MRAP2: variants seen among roughly 807,000 people sequenced by gnomAD.
MRAP2 encodes melanocortin 2 receptor accessory protein 2, also known as melanocortin-2 receptor accessory protein 2.
In MRAP2, 20 loss-of-function variants were observed where a neutral mutation model predicts 17.4. The observed-to-expected ratio is 1.15, with a 90% CI of 0.81 to 1.67. MRAP2 has a LOEUF of 1.67. Among genes scored for constraint, MRAP2 ranks in the 40% most tolerant of loss-of-function variants. The pLI, the probability that MRAP2 is intolerant of heterozygous loss-of-function variation, is 0.00. For missense variants in MRAP2, 238 were observed against 240.0 expected (o/e 0.99, Z 0.05); for synonymous variants, 96 against 88.4 (o/e 1.09, Z -0.48).
chr6:84,126,340 A>T, the MRAP2 span: 2 of 1,458,416 alleles, frequency 1.4e-6, no homozygotes, highest in Non-Finnish European at 1.8e-6. Context: ...ACTTAAAAGT[A>T]AAGACCTATA....
At chr6:84,083,846 CAAAT>C (rs1350342050) in intron 3 of MRAP2, among the ~76,000 whole-genome samples, 1 of 152,030 alleles carries the variant, frequency 6.6e-6, no homozygotes, top group Non-Finnish European at 1.5e-5. Flanking sequence ...ACAGACAACA[CAAAT>C]ACATAGAAGC....
At chr6:84,131,161 A>G in the MRAP2 span, among the ~76,000 whole-genome samples, 1,419 of 152,186 alleles carry the variant, frequency 9.3e-3, 17 homozygotes, top group African/African-American at 0.032. Context: ...GTAGTTGTGC[A>G]GTTTTGAGTG....
chr6:84,141,533 T>C, the MRAP2 span, among the ~76,000 whole-genome samples: 3 of 152,266 alleles, frequency 2.0e-5, no homozygotes, highest in Admixed American at 2.0e-4. Flanking sequence ...TTCCTCAAAA[T>C]CCAGTCTCAA....
chr6:84,034,194 C>T (rs1339955813), intron 1 of MRAP2, among the ~76,000 whole-genome samples: 1 of 152,076 alleles, frequency 6.6e-6, no homozygotes, highest in African/African-American at 2.4e-5. Context: ...TCCTCCCCTC[C>T]GCTGGGCCCC....
the MRAP2 span, among the ~76,000 whole-genome samples, chr6:84,134,114 G>A: frequency 6.6e-6 from 1 of 152,198 alleles, no homozygotes; most frequent in Admixed American, 6.5e-5. Context: ...AGCTGCAGTG[G>A]GCTCTGCCCA....
chr6:84,142,743 T>G, the MRAP2 span, among the ~76,000 whole-genome samples: 1 of 152,144 alleles, frequency 6.6e-6, no homozygotes, highest in Non-Finnish European at 1.5e-5. Context: ...CATTTAAAAT[T>G]AAAGACCTAG....
intron 2 of MRAP2, among the ~76,000 whole-genome samples, chr6:84,058,011 G>A (rs1440687118): frequency 6.6e-6 from 1 of 152,184 alleles, no homozygotes; most frequent in East Asian, 1.9e-4. Context: ...CCAGGGGAGT[G>A]ATAAGAGGCA....
intron 1 of MRAP2, chr6:84,045,155 G>C: frequency 1.1e-6 from 1 of 951,544 alleles, no homozygotes. Flanking sequence ...TTTGGTATCT[G>C]AGAGGTCCTG....
the MRAP2 span, among the ~76,000 whole-genome samples, chr6:84,099,767 C>G: frequency 1.3e-5 from 2 of 152,136 alleles, no homozygotes. Flanking sequence ...GCCAAACAAA[C>G]CTCCTTTCTT....
intron 2 of MRAP2, chr6:84,061,760 G>A: frequency 1.0e-6 from 1 of 985,254 alleles, no homozygotes; most frequent in Non-Finnish European, 1.2e-6. Flanking sequence ...TTTTAAAGTG[G>A]TAAATTGGGA....
chr6:84,043,381 TC>T (rs1336751422), intron 1 of MRAP2, among the ~76,000 whole-genome samples: 1 of 151,904 alleles, frequency 6.6e-6, no homozygotes, highest in African/African-American at 2.4e-5. Flanking sequence ...AAGAGAGAGA[TC>T]CTCAATGTAG....
At chr6:84,063,446 G>A (rs968232420) in intron 3 of MRAP2, 28 of 979,006 alleles carry the variant, frequency 2.9e-5, no homozygotes, top group Non-Finnish European at 3.4e-5. Flanking sequence ...TTTAACTATT[G>A]ACAATGATTA....
At chr6:84,129,016 T>C in the MRAP2 span, among the ~76,000 whole-genome samples, 3 of 152,342 alleles carry the variant, frequency 2.0e-5, no homozygotes, top group African/African-American at 7.2e-5. Context: ...GCAAAGGACA[T>C]GACCTCATTC....
intron 1 of MRAP2, among the ~76,000 whole-genome samples, chr6:84,046,651 C>T (rs766184346): frequency 4.0e-5 from 6 of 151,794 alleles, no homozygotes; most frequent in Non-Finnish European, 7.4e-5. Context: ...CGTGGTGGCA[C>T]GTGCCTGTTG....
intron 3 of MRAP2, among the ~76,000 whole-genome samples, chr6:84,070,043 C>T (rs568343307): frequency 3.6e-4 from 54 of 151,980 alleles, no homozygotes; most frequent in African/African-American, 1.2e-3. Flanking sequence ...AAAGAGCCAG[C>T]TTTATGTTTC....
chr6:84,083,985 G>A (rs1179265059), intron 3 of MRAP2, among the ~76,000 whole-genome samples: 1 of 152,058 alleles, frequency 6.6e-6, no homozygotes, highest in Non-Finnish European at 1.5e-5. Context: ...CTGTTCACAT[G>A]GCTAATGTTT....
chr6:84,105,114 T>G, the MRAP2 span, among the ~76,000 whole-genome samples: 1 of 152,168 alleles, frequency 6.6e-6, no homozygotes, highest in Non-Finnish European at 1.5e-5. Flanking sequence ...GTCCCAAGCT[T>G]TCCCACATTT....
chr6:84,097,631 A>G, the MRAP2 span, among the ~76,000 whole-genome samples: 1 of 152,154 alleles, frequency 6.6e-6, no homozygotes, highest in Non-Finnish European at 1.5e-5. Context: ...CTAAGCTCTT[A>G]AAATATTGCA....
chr6:84,050,910 A>C (rs975727115), intron 1 of MRAP2, among the ~76,000 whole-genome samples: 1 of 152,164 alleles, frequency 6.6e-6, no homozygotes, highest in Non-Finnish European at 1.5e-5. Context: ...GATTTGTGGC[A>C]CTGGCTGGCA....
Sources: allele counts gnomAD v4.1 joint callset (sites outside exome capture counted in the v4.1 genomes callset), GRCh38; gene constraint gnomAD v4.1.1; transcripts MANE v1.5; gene names NCBI Gene and HGNC (gene_info 2026-07-23, HGNC 2026-07-21).